C3orf18: variants seen among roughly 807,000 people sequenced by gnomAD.
C3orf18 encodes the protein uncharacterized protein C3orf18.
C3orf18 carries 12 observed loss-of-function variants against 14.1 expected under a neutral mutation model. That is an observed-to-expected ratio of 0.85 (90% CI 0.55 to 1.38). C3orf18 has a LOEUF of 1.38. Among genes scored for constraint, C3orf18 ranks in the 40% most tolerant of loss-of-function variants. The pLI, the probability that C3orf18 is intolerant of heterozygous loss-of-function variation, is 0.00. For synonymous variants in C3orf18, 82 were observed against 87.9 expected (o/e 0.93, Z 0.38); for missense variants, 196 against 213.9 (o/e 0.92, Z 0.52).
chr3:50,567,736 C>G lies in C3orf18; in HGVS notation c.-525G>C, dbSNP rs547171191. 3 of 152,426 alleles carry G rather than the reference C, an allele frequency of 2.0e-5. No homozygotes were observed. Among genetic ancestry groups the G allele is most frequent in the East Asian group, 1.9e-4 (1 of 5,172 alleles). 9.4% of individuals were successfully genotyped at this position (152,426 alleles called of 1,614,324 possible). A position where few individuals can be genotyped will look rare whatever the true frequency, so the allele number is the denominator to read the frequency against. ...GGGCCGAGCAGCCTCGGGGGATCCC[C>G]GAAGCTACAGCGCCTTGCCTCCCTG... On this transcript the variant is annotated 5_prime_UTR_variant, in exon 1 of 6. Coordinates refer to ENST00000357203, the MANE Select transcript of C3orf18 (RefSeq NM_016210.5).
intron 3 of C3orf18, among the ~76,000 whole-genome samples, chr3:50,564,276 G>T (rs1700155867): frequency 6.6e-6 from 1 of 152,240 alleles, no homozygotes; most frequent in Non-Finnish European, 1.5e-5. Context: ...GTCTCAGCCT[G>T]CACGATCTCC....
chr3:50,571,685 C>T (rs755033895), upstream of C3orf18: 1 of 1,610,366 alleles, frequency 6.2e-7, no homozygotes, highest in South Asian at 1.1e-5. Flanking sequence ...AGTGAGCCAG[C>T]CACTTATATT....
upstream of C3orf18, chr3:50,572,031 G>C (rs1225888625): frequency 2.5e-6 from 4 of 1,587,890 alleles, no homozygotes; most frequent in Non-Finnish European, 3.4e-6. Flanking sequence ...TGATACCTTT[G>C]GCCACAAGTG....
chr3:50,571,200 A>G (rs369978269), upstream of C3orf18: 28 of 1,613,576 alleles, frequency 1.7e-5, no homozygotes, highest in Non-Finnish European at 2.3e-5. Flanking sequence ...GGCAACCCCA[A>G]CCACCTCTGG....
chr3:50,569,799 C>T (rs1700701590), upstream of C3orf18: 1 of 152,262 alleles, frequency 6.6e-6, no homozygotes, highest in South Asian at 2.1e-4. Flanking sequence ...CTTCTGGAGT[C>T]TGGTGGACTC....
rs1281821538 is a variant in C3orf18, at chr3:50,561,816, A to G, written c.235-69T>C. 5 of 1,527,070 alleles carry G rather than the reference A, an allele frequency of 3.3e-6. No individual in the cohort carries two copies. In the Admixed American group the frequency reaches 8.4e-5, roughly 26 times the overall value. 94.6% of individuals were successfully genotyped at this position (1,527,070 alleles called of 1,614,324 possible). On this transcript the variant is annotated intron_variant, in intron 3 of 5. Coordinates refer to ENST00000357203, the MANE Select transcript of C3orf18 (RefSeq NM_016210.5). ...CTGAGGAACCCAGCAGCCCTTCTGG[A>G]TGGGGACATGCTGAGGCTGATGAAC...
Sources: gnomAD v4.1 joint callset for allele counts (sites outside exome capture counted in the v4.1 genomes callset) on GRCh38, gnomAD v4.1.1 for gene constraint, MANE v1.5 for transcripts, NCBI Gene and HGNC (gene_info 2026-07-23, HGNC 2026-07-21) for gene names.